The following P2RY12 variants were observed in gnomAD, a reference collection of about 807,000 sequenced individuals.
P2RY12 encodes P2Y purinoceptor 12.
In P2RY12, 3 loss-of-function variants were observed where a neutral mutation model predicts 4.5. The observed-to-expected ratio is 0.67, with a 90% CI of 0.31 to 1.74. The LOEUF (loss-of-function observed/expected upper bound fraction) is 1.74, where lower values mean the gene tolerates loss of function less well. Ranked by LOEUF, P2RY12 falls within the 40% of genes most tolerant of loss-of-function variation. The pLI is 0.09. For synonymous variants in P2RY12, 148 were observed against 154.1 expected (o/e 0.96, Z 0.29); for missense variants, 356 against 407.8 (o/e 0.87, Z 1.09).
chr3:151,376,858 A>G lies in P2RY12; in HGVS notation c.-180+7834T>C. On this transcript the variant is annotated intron_variant, in intron 1 of 2. Transcript: ENST00000302632. ...TTAGAACTCCAGCTAATGATCAAAC[A>G]GTGCTTGAAGGACCCTGTGAGTTTA... is the stretch of plus-strand genomic sequence containing the variant. The G allele has an allele frequency of 6.2e-7, 1 of 1,614,080 alleles. No individual in the cohort carries two copies.
chr3:151,338,748 G>C lies in P2RY12; in HGVS notation c.98C>G (p.Thr33Ser). The stretch of plus-strand genomic sequence containing the variant: ...GATAAGTCCAACAAAAAACAGGACA[G>C]TGTAGAGCAGTGGGAAGAGGACCTG... ...ITQVLFPLLY[T>S]VLFFVGLITN... The change falls in exon 3 of 3, where the codon ACT becomes AGT. Residue 33 changes from threonine (T) to serine (S), a missense_variant. Physicochemically the swap from Thr to Ser is moderately conservative, Grantham distance 58 (BLOSUM62 1). Transcript: ENST00000302632. The C allele has an allele frequency of 6.2e-7, 1 of 1,613,912 alleles. No individual in the cohort carries two copies. Among genetic ancestry groups the C allele is most frequent in the South Asian group, 1.1e-5 (1 of 91,068 alleles).
chr3:151,360,134 G>A (rs911767115), intron 1 of P2RY12, among the ~76,000 whole-genome samples: 7 of 152,068 alleles, frequency 4.6e-5, no homozygotes, highest in Non-Finnish European at 1.0e-4. Context: ...GTGAATCTGC[G>A]GAGGCAGGGG....
In P2RY12 at chr3:151,340,684, T is replaced by A. The variant is rs996938178; in HGVS notation, c.-103A>T. 4 of 152,634 alleles carry A rather than the reference T, an allele frequency of 2.6e-5. No homozygotes were observed. Among genetic ancestry groups the A allele is most frequent in the African/African-American group, 9.6e-5 (4 of 41,464 alleles). The allele number at this position is 152,634 out of a possible 1,614,324, so 9.5% of individuals were successfully genotyped here. A position where few individuals can be genotyped will look rare whatever the true frequency, so the allele number is the denominator to read the frequency against. Reference sequence around the variant, plus strand: ...AGAGTGGCATCTGGTATTTTCCTTTTAATGTCTTAGTTTAGTTGCCAAACC... The same window carrying A: ...AGAGTGGCATCTGGTATTTTCCTTTAAATGTCTTAGTTTAGTTGCCAAACC... On this transcript the variant is annotated 5_prime_UTR_variant, in exon 2 of 3. Transcript: ENST00000302632.
At chr3:151,355,002 A>C in intron 1 of P2RY12, 1 of 734,832 alleles carries the variant, frequency 1.4e-6, no homozygotes, top group South Asian at 1.6e-5. Context: ...TTTTATTGAA[A>C]TTCATAGAAT....
chr3:151,377,351 T>A (rs1756969966), intron 1 of P2RY12, among the ~76,000 whole-genome samples: 2 of 152,176 alleles, frequency 1.3e-5, no homozygotes, highest in African/African-American at 4.8e-5. Flanking sequence ...AATGATAGCT[T>A]CGGAATATTT....
intron 1 of P2RY12, among the ~76,000 whole-genome samples, chr3:151,383,364 A>G (rs1712743763): frequency 6.6e-6 from 1 of 152,198 alleles, no homozygotes; most frequent in African/African-American, 2.4e-5. Context: ...ATGTTTCCAT[A>G]TGGTATTATG....
intron 1 of P2RY12, chr3:151,372,824 C>A: frequency 7.4e-7 from 1 of 1,352,888 alleles, no homozygotes; most frequent in Non-Finnish European, 1.0e-6. Flanking sequence ...TTGGAGAGAG[C>A]TACTTACACT....
chr3:151,380,394 C>T (rs1455987091), intron 1 of P2RY12, among the ~76,000 whole-genome samples: 9 of 152,074 alleles, frequency 5.9e-5, no homozygotes, highest in Admixed American at 1.3e-4. Context: ...GCCAGGAGTT[C>T]GAGACCAGCC....
intron 1 of P2RY12, among the ~76,000 whole-genome samples, chr3:151,369,868 T>C (rs1355836566): frequency 6.6e-6 from 1 of 152,154 alleles, no homozygotes; most frequent in Non-Finnish European, 1.5e-5. Flanking sequence ...GAAATCACAC[T>C]TTGTGAGAGA....
chr3:151,351,743 G>A (rs1030492447), intron 1 of P2RY12, among the ~76,000 whole-genome samples: 5 of 152,144 alleles, frequency 3.3e-5, no homozygotes, highest in Non-Finnish European at 7.4e-5. Context: ...ATTATTTTTA[G>A]AGGGTCTTTC....
intron 1 of P2RY12, among the ~76,000 whole-genome samples, chr3:151,371,338 G>A (rs756819511): frequency 6.6e-6 from 1 of 152,110 alleles, no homozygotes; most frequent in African/African-American, 2.4e-5. Context: ...ATCACCTAAC[G>A]GTAGTGAAAG....
intron 1 of P2RY12, chr3:151,366,077 AATTG>A: frequency 6.1e-6 from 7 of 1,150,724 alleles, no homozygotes; most frequent in Non-Finnish European, 8.3e-6. Context: ...GCTTTTATTT[AATTG>A]ATTCAACTGA....
intron 1 of P2RY12, among the ~76,000 whole-genome samples, chr3:151,342,195 C>T (rs2149965641): frequency 6.6e-6 from 1 of 152,290 alleles, no homozygotes; most frequent in East Asian, 1.9e-4. Context: ...GTCCCACCAA[C>T]AGTGTAAAAG....
intron 1 of P2RY12, chr3:151,369,331 A>G: frequency 3.0e-6 from 2 of 671,852 alleles, no homozygotes; most frequent in Non-Finnish European, 5.0e-6. Flanking sequence ...GCTAATGGCA[A>G]TTAAGCACCC....
At chr3:151,345,920 G>A (rs747861728) in intron 1 of P2RY12, among the ~76,000 whole-genome samples, 1 of 152,174 alleles carries the variant, frequency 6.6e-6, no homozygotes, top group African/African-American at 2.4e-5. Flanking sequence ...GAAGACTACT[G>A]TAGTAACACC....
chr3:151,373,745 A>G (rs148840436), intron 1 of P2RY12, among the ~76,000 whole-genome samples: 1 of 152,114 alleles, frequency 6.6e-6, no homozygotes. Flanking sequence ...TCATCCTATC[A>G]CATCATTTGA....
intron 1 of P2RY12, chr3:151,368,386 A>G: frequency 1.4e-6 from 1 of 706,410 alleles, no homozygotes; most frequent in South Asian, 1.5e-5. Flanking sequence ...GAAGGGTGAG[A>G]TGATACTATT....
At chr3:151,347,688 G>A (rs1434874944) in intron 1 of P2RY12, among the ~76,000 whole-genome samples, 3 of 152,138 alleles carry the variant, frequency 2.0e-5, no homozygotes, top group Admixed American at 6.5e-5. Flanking sequence ...TGGGTGTGGG[G>A]GATGTGCAGA....
At chr3:151,368,099 C>G in intron 1 of P2RY12, 1 of 1,416,972 alleles carries the variant, frequency 7.1e-7, no homozygotes, top group Middle Eastern at 1.8e-4. Context: ...ACCTGAAGGA[C>G]TTGTTCCCAA....
Sources: allele counts gnomAD v4.1 joint callset (sites outside exome capture counted in the v4.1 genomes callset), GRCh38; gene constraint gnomAD v4.1.1; transcripts MANE v1.5; gene names NCBI Gene and HGNC (gene_info 2026-07-23, HGNC 2026-07-21).